The following ZNF778 variants were observed in gnomAD, a reference collection of about 807,000 sequenced individuals.
ZNF778 encodes the protein zinc finger protein 778.
ZNF778 carries 37 observed loss-of-function variants against 23.9 expected under a neutral mutation model. That is an observed-to-expected ratio of 1.54 (90% CI 1.19 to 2.03). The LOEUF is 2.03. Among genes scored for constraint, ZNF778 ranks in the 30% most tolerant of loss-of-function variants. The pLI, the probability that ZNF778 is intolerant of heterozygous loss-of-function variation, is 0.00. For missense variants in ZNF778, 1,297 were observed against 934.4 expected, an observed-to-expected ratio of 1.39 and a Z score of -5.06; for synonymous variants, 483 against 343.9, an observed-to-expected ratio of 1.40 and a Z score of -4.48.
At position 89,227,278 on chromosome 16, in the gene ZNF778, T is replaced by G; in HGVS notation, c.990T>G (p.Ile330Met). The G allele has an allele frequency of 6.2e-7, 1 of 1,613,968 alleles. No homozygotes were observed. Among genetic ancestry groups the G allele is most frequent in the Non-Finnish European group, 8.5e-7 (1 of 1,179,858 alleles). ...VSSSLTQHVR[I>M]HAAEKPCECK... ...CCAGCCTAACTCAACATGTAAGAAT[T>G]CATGCTGCAGAGAAACCCTGTGAAT... Residue 330 changes from isoleucine (I) to methionine (M), a missense_variant, in exon 7 of 7, where the codon ATT (isoleucine) becomes ATG (methionine). Coordinates refer to ENST00000433976, the MANE Select transcript of ZNF778 (RefSeq NM_001201407.2).
Position 89,233,943 on chromosome 16 carries a change from G to C in ZNF778, c.*5381G>C, listed in dbSNP as rs2032154276. The C allele has an allele frequency of 7.8e-7, 1 of 1,285,700 alleles. No homozygotes were observed. Among genetic ancestry groups the C allele is most frequent in the Non-Finnish European group, 1.0e-6 (1 of 985,570 alleles). 79.6% of individuals were successfully genotyped at this position (1,285,700 alleles called of 1,614,324 possible). On this transcript the variant is annotated 3_prime_UTR_variant, in exon 7 of 7. Coordinates refer to ENST00000433976, the MANE Select transcript of ZNF778 (RefSeq NM_001201407.2). ...ACAGCAGGACATGCTGTATGCCCTT[G>C]GGCCTGCTGGAAGTATGCAGACTAG...
In ZNF778 at chr16:89,224,764, A is replaced by G; in HGVS notation, c.290A>G (p.Glu97Gly). 1.3e-6 allele frequency: 2 copies of G among 1,533,032 alleles called. No individual in the cohort carries two copies. Among genetic ancestry groups the G allele is most frequent in the Non-Finnish European group, 1.7e-6 (2 of 1,145,944 alleles). 95.0% of individuals were successfully genotyped at this position (1,533,032 alleles called of 1,614,324 possible). ...QPSVIYWLEQ[E>G]EELRAGRRAV... is the part of the protein sequence containing the mutation. ...AGTGTGATCTATTGGCTGGAGCAGGAAGAGGAGTTGAGGGCAGGGCGGAGA... is the reference window on the plus strand; with the variant it reads ...AGTGTGATCTATTGGCTGGAGCAGGGAGAGGAGTTGAGGGCAGGGCGGAGA... Residue 97 changes from glutamate (E) to glycine (G), a missense_variant, in exon 5 of 7, where the codon GAA becomes GGA. Transcript: ENST00000433976.
At position 89,228,937 on chromosome 16, in the gene ZNF778, A is replaced by G. The variant is rs12926572; in HGVS notation, c.*375A>G. 69,645 of 1,008,058 alleles carry G rather than the reference A, an allele frequency of 0.069. 3,228 individuals carry two copies. Among genetic ancestry groups the G allele is most frequent in the African/African-American group, 0.21 (12,010 of 57,792 alleles). The allele number at this position is 1,008,058 out of a possible 1,614,324, so 62.4% of individuals were successfully genotyped here. ...TACATTACATCTTTCCTCACCCTTTAGTAAACGTGGTGATTGACACTTGAA... is the reference window on the plus strand; with the variant it reads ...TACATTACATCTTTCCTCACCCTTTGGTAAACGTGGTGATTGACACTTGAA... On this transcript the variant is annotated 3_prime_UTR_variant, in exon 7 of 7. Transcript: ENST00000433976.
chr16:89,230,238 G>A lies in ZNF778; in HGVS notation c.*1676G>A. ...GGAGGGGCAGAGTGGAGAGGGGCGAGGTCTGTACCCTGAGATGCCCCCGTT... is the reference window on the plus strand; with the variant it reads ...GGAGGGGCAGAGTGGAGAGGGGCGAAGTCTGTACCCTGAGATGCCCCCGTT... On this transcript the variant is annotated 3_prime_UTR_variant, in exon 7 of 7. Coordinates refer to ENST00000433976, the MANE Select transcript of ZNF778 (RefSeq NM_001201407.2). The A allele has an allele frequency of 4.2e-6, 1 of 240,458 alleles. No individual in the cohort carries two copies. Among genetic ancestry groups the A allele is most frequent in the Non-Finnish European group, 6.7e-6 (1 of 148,830 alleles). 14.9% of individuals were successfully genotyped at this position (240,458 alleles called of 1,614,324 possible). A position where few individuals can be genotyped will look rare whatever the true frequency, so the allele number is the denominator to read the frequency against.
chr16:89,222,822 TAAGGC>T (rs1246695821), intron 3 of ZNF778, among the ~76,000 whole-genome samples: 1 of 152,190 alleles, frequency 6.6e-6, no homozygotes, highest in Non-Finnish European at 1.5e-5. Context: ...GAGAGGGACA[TAAGGC>T]GAGGGGAGTG....
intron 3 of ZNF778, among the ~76,000 whole-genome samples, chr16:89,222,860 G>A (rs546918211): frequency 7.8e-4 from 119 of 152,328 alleles, no homozygotes; most frequent in Non-Finnish European, 1.3e-3. Context: ...GGTGAGAGAA[G>A]CTCACATGTT....
At chr16:89,225,750 TTG>T in intron 6 of ZNF778, 119 bp downstream of exon 6, 1 of 931,096 alleles carries the variant, frequency 1.1e-6, no homozygotes. Flanking sequence ...CAGGCAGGGG[TTG>T]TCTGTAGAGA....
chr16:89,218,647 C>T (rs1228703790), intron 1 of ZNF778, among the ~76,000 whole-genome samples: 1 of 151,894 alleles, frequency 6.6e-6, no homozygotes, highest in Non-Finnish European at 1.5e-5. Flanking sequence ...AAAAATTAGC[C>T]GGGCGTGGTG....
intron 2 of ZNF778, 37 bp from the exon 3 acceptor site, chr16:89,222,055 T>G: frequency 6.7e-7 from 1 of 1,499,132 alleles, no homozygotes; most frequent in East Asian, 2.3e-5. Flanking sequence ...GGGTCAGCTC[T>G]GGGTTCTCAT....
At position 89,226,966 on chromosome 16, in the gene ZNF778, C is replaced by T; in HGVS notation, c.678C>T (p.Asp226=). 2.5e-6 allele frequency: 4 copies of T among 1,614,048 alleles called. No homozygotes were observed. The highest frequency in any genetic ancestry group is 3.4e-6 in the Non-Finnish European group (4 of 1,179,902). Residue 226 remains aspartate, a synonymous_variant, in exon 7 of 7, where the codon GAC becomes GAT. Transcript: ENST00000433976. ...CATGCACTCGGGACAGATCTCTTGA[C>T]TACAGCAGCTGTGGGGAAGTGTTCC... The part of the protein sequence containing the change: ...QQACTRDRSL[D]YSSCGEVFLN...
chr16:89,224,675 C>G (rs1171270077), intron 4 of ZNF778, 44 bp from the exon 5 acceptor site: 1 of 1,424,424 alleles, frequency 7.0e-7, no homozygotes, highest in Non-Finnish European at 9.6e-7. Flanking sequence ...TTTGTCATCC[C>G]CTGCCTGAGC....
At position 89,222,164 on chromosome 16, in the gene ZNF778, G is replaced by A. The variant is rs1290646269; in HGVS notation, c.98G>A (p.Trp33Ter). 3 of 1,605,388 alleles carry A rather than the reference G, an allele frequency of 1.9e-6. No individual in the cohort carries two copies. In the African/African-American group the frequency reaches 4.0e-5, roughly 22 times the overall value. Reference protein sequence around the residue: ...QTQAAGMVAGWLINCYQDAVT... With the variant: ...QTQAAGMVAG ...CAGGCAGCAGGGATGGTGGCTGGCT[G>A]GCTGATAAATTGTTACCAGGTATGC... is the stretch of plus-strand genomic sequence containing the variant. Residue 33 changes from tryptophan (W) to a stop codon, truncating the protein, a stop_gained, in exon 3 of 7, where the codon TGG (tryptophan) becomes TAG (stop). Transcript: ENST00000433976. LOFTEE classifies it high-confidence loss of function.
At position 89,228,810 on chromosome 16, in the gene ZNF778, C is replaced by T. The variant is rs888446696; in HGVS notation, c.*248C>T. 7.2e-6 allele frequency: 9 copies of T among 1,242,530 alleles called. No individual in the cohort carries two copies. The highest frequency in any genetic ancestry group is 9.1e-6 in the Non-Finnish European group (9 of 991,442). 77.0% of individuals were successfully genotyped at this position (1,242,530 alleles called of 1,614,324 possible). A position where few individuals can be genotyped will look rare whatever the true frequency, so the allele number is the denominator to read the frequency against. On this transcript the variant is annotated 3_prime_UTR_variant, in exon 7 of 7. Coordinates refer to ENST00000433976, the MANE Select transcript of ZNF778 (RefSeq NM_001201407.2). ...GAGAACTCTATTGATGTGTGATATG[C>T]AGCAGCATTGTTGCTGTTCTGCTCA...
At chr16:89,224,580 C>A in intron 4 of ZNF778, 139 bp from the exon 5 acceptor site, 1 of 605,948 alleles carries the variant, frequency 1.7e-6, no homozygotes, top group Non-Finnish European at 3.0e-6. Flanking sequence ...GATTGCACCA[C>A]TGCACTCCAG....
chr16:89,222,089 T>C lies in ZNF778; in HGVS notation c.26-3T>C. The C allele has an allele frequency of 6.3e-7, 1 of 1,589,980 alleles. No homozygotes were observed. The highest frequency in any genetic ancestry group is 1.1e-5 in the South Asian group (1 of 89,062). ...ATGCCTTCTTGCCTTCTTTGTTTTT[T>C]AGGAGGTCATGTTTCTAGGGACTCA... On this transcript the variant is annotated splice_polypyrimidine_tract_variant and splice_region_variant and intron_variant, in intron 2 of 6. Transcript: ENST00000433976.
intron 4 of ZNF778, among the ~76,000 whole-genome samples, chr16:89,224,024 C>G (rs944414673): frequency 1.3e-5 from 2 of 150,962 alleles, no homozygotes; most frequent in Non-Finnish European, 2.9e-5. Flanking sequence ...TCCCAGCACT[C>G]TGGGAGGCCA....
chr16:89,234,017 C>G lies in ZNF778; in HGVS notation c.*5455C>G. 2.7e-6 allele frequency: 3 copies of G among 1,094,708 alleles called. No individual in the cohort carries two copies. The highest frequency in any genetic ancestry group is 3.7e-6 in the Non-Finnish European group (3 of 811,072). The allele number at this position is 1,094,708 out of a possible 1,614,324, so 67.8% of individuals were successfully genotyped here. ...CTGTCCTGCCTTTCCTGTGAAAACC[C>G]TGTGGCCTCTGCCTCCCCTGGCTCT... On this transcript the variant is annotated 3_prime_UTR_variant, in exon 7 of 7. Transcript: ENST00000433976.
chr16:89,237,103 A>G lies in ZNF778; in HGVS notation c.*8541A>G, dbSNP rs1041354872. On this transcript the variant is annotated 3_prime_UTR_variant, in exon 7 of 7. Coordinates refer to ENST00000433976, the MANE Select transcript of ZNF778 (RefSeq NM_001201407.2). ...AAAAAGGACAATGAGATATACTAAA[A>G]TGGTCCAATATGTTAATTAAAACAT... 4.6e-5 allele frequency: 7 copies of G among 151,026 alleles called. No individual in the cohort carries two copies. Among genetic ancestry groups the G allele is most frequent in the African/African-American group, 1.7e-4 (7 of 41,072 alleles). The allele number at this position is 151,026 out of a possible 1,614,324, so 9.4% of individuals were successfully genotyped here. A position where few individuals can be genotyped will look rare whatever the true frequency, so the allele number is the denominator to read the frequency against.
chr16:89,223,408 A>G, intron 4 of ZNF778, 125 bp downstream of exon 4: 1 of 1,360,472 alleles, frequency 7.4e-7, no homozygotes, highest in East Asian at 2.3e-5. Flanking sequence ...CAACTGTGCT[A>G]GTAGGCTTGG....
Sources: gnomAD v4.1 joint callset for allele counts (sites outside exome capture counted in the v4.1 genomes callset) on GRCh38, gnomAD v4.1.1 for gene constraint, MANE v1.5 for transcripts, NCBI Gene and HGNC (gene_info 2026-07-23, HGNC 2026-07-21) for gene names.